GOLGA4: variants seen among roughly 807,000 people sequenced by gnomAD.
The protein encoded by GOLGA4 is golgin subfamily A member 4.
GOLGA4 carries 169 observed loss-of-function variants against 265.9 expected under a neutral mutation model. The observed-to-expected ratio is 0.64, with a 90% CI of 0.56 to 0.72. The LOEUF is 0.72. Among genes scored for constraint, GOLGA4 ranks in the 30% least tolerant of loss-of-function variants. The probability of loss-of-function intolerance (pLI) is 0.00; values close to 1 mark genes in which losing one functional copy is unlikely to be tolerated. For missense variants in GOLGA4, 2,482 were observed against 2,483.4 expected (o/e 1.00, Z 0.01); for synonymous variants, 923 against 855.8 (o/e 1.08, Z -1.37).
At chr3:37,247,924 A>G (rs935429975) in intron 1 of GOLGA4, among the ~76,000 whole-genome samples, 16 of 152,210 alleles carry the variant, frequency 1.1e-4, no homozygotes, top group Non-Finnish European at 1.5e-5. Flanking sequence ...CTCTAGACCC[A>G]TATTTGAAGG....
intron 22 of GOLGA4, among the ~76,000 whole-genome samples, chr3:37,358,196 T>A (rs1181192071): frequency 1.3e-5 from 2 of 152,222 alleles, no homozygotes; most frequent in Non-Finnish European, 2.9e-5. Flanking sequence ...ATCAGAGGAA[T>A]ACATTCTAAA....
intron 20 of GOLGA4, chr3:37,341,534 A>C (rs567455096): frequency 6.6e-6 from 1 of 152,238 alleles, no homozygotes; most frequent in Non-Finnish European, 1.5e-5. Context: ...CCTCAAAAAG[A>C]AGTAAAAACC....
intron 22 of GOLGA4, among the ~76,000 whole-genome samples, chr3:37,357,935 G>T (rs1374097354): frequency 2.6e-5 from 4 of 151,988 alleles, no homozygotes; most frequent in African/African-American, 9.7e-5. Context: ...GCTTCAAATG[G>T]ATCTTTTCTG....
chr3:37,352,621 A>G (rs1413715871), intron 21 of GOLGA4, among the ~76,000 whole-genome samples: 2 of 151,984 alleles, frequency 1.3e-5, no homozygotes, highest in Admixed American at 6.6e-5. Flanking sequence ...CTTTTCTTCT[A>G]CGGCTTTGTC....
rs377439751 is a variant in GOLGA4, at chr3:37,327,195, G to A, written c.5309G>A (p.Arg1770Gln). Residue 1770 changes from arginine to glutamine, a missense_variant, in exon 14 of 24, where the codon CGA (arginine) becomes CAA (glutamine). Transcript: ENST00000361924. ...EETVSSHFEM[R>Q]CQYQERLIKL... Reference sequence around the variant, plus strand: ...ACAGTTTCTTCTCATTTTGAAATGCGATGCCAATACCAGGAGCGCTTAATA... The same window carrying A: ...ACAGTTTCTTCTCATTTTGAAATGCAATGCCAATACCAGGAGCGCTTAATA... 2 of 1,613,854 alleles carry A rather than the reference G, an allele frequency of 1.2e-6. No individual in the cohort carries two copies. The highest frequency in any genetic ancestry group is 1.1e-5 in the South Asian group (1 of 91,074).
chr3:37,357,730 C>T lies in GOLGA4; in HGVS notation c.6663+2543C>T, dbSNP rs79877220. Among the ~76,000 whole-genome samples the T allele has an allele frequency of 8.5e-3, 1,300 of 152,246 alleles. 24 individuals are homozygous for T. Among genetic ancestry groups the T allele is most frequent in the African/African-American group, 0.03 (1,238 of 41,544 alleles). On this transcript the variant is annotated intron_variant, in intron 22 of 23. Transcript: ENST00000361924. ...TAAGAATCACTGTCTTTGAACAAGTCTCTTGAAGAAATTTCAGCTAATTTC... is the reference window on the plus strand; with the variant it reads ...TAAGAATCACTGTCTTTGAACAAGTTTCTTGAAGAAATTTCAGCTAATTTC...
At chr3:37,340,991 C>T (rs976030365) in intron 20 of GOLGA4, among the ~76,000 whole-genome samples, 1 of 152,120 alleles carries the variant, frequency 6.6e-6, no homozygotes, top group Admixed American at 6.5e-5. Context: ...CATGGTGAAA[C>T]CCCATCTCTA....
At position 37,329,949 on chromosome 3, in the gene GOLGA4, C is replaced by T. The variant is rs145275135; in HGVS notation, c.6192+856C>T. ...TGACTATGTCAGCAGAAGTCTGAGT[C>T]GGGAACAGATTCTAATAATTATTTT... On this transcript the variant is annotated intron_variant, in intron 16 of 23. Transcript: ENST00000361924. 7.0e-4 allele frequency among the ~76,000 whole-genome samples: 105 copies of T among 150,980 alleles called. 2 individuals carry two copies. The East Asian group carries it at 0.017, about 25-fold the overall frequency.
At position 37,321,883 on chromosome 3, in the gene GOLGA4, A is replaced by T; in HGVS notation, c.1698A>T (p.Arg566Ser). 1 of 1,590,696 alleles carries T rather than the reference A, an allele frequency of 6.3e-7. No individual in the cohort carries two copies. The highest frequency in any genetic ancestry group is 8.5e-7 in the Non-Finnish European group (1 of 1,172,066). ...RDLQQEAETY[R>S]TRILELESSL... ...TTCAGCAAGAAGCAGAGACTTACAG[A>T]ACTGTAAGTTTTAATAATATTCAGA... The change falls in exon 13 of 24, where the codon AGA (arginine) becomes AGT (serine). Residue 566 changes from arginine to serine, a missense_variant. Physicochemically the swap from Arg to Ser is moderately radical, Grantham distance 110. Around this residue, in one of 3 missense-constraint regions of GOLGA4, gnomAD observed 1,536 missense variants for 1,483.7 expected, o/e 1.04. Transcript: ENST00000361924.
chr3:37,267,916 A>G (rs2096787880), intron 2 of GOLGA4, among the ~76,000 whole-genome samples: 1 of 152,172 alleles, frequency 6.6e-6, no homozygotes, highest in Admixed American at 6.5e-5. Context: ...TTAGAAAAGA[A>G]AGCAGCTAGG....
intron 4 of GOLGA4, among the ~76,000 whole-genome samples, chr3:37,288,339 G>A (rs1179964819): frequency 2.6e-5 from 4 of 151,656 alleles, no homozygotes; most frequent in African/African-American, 7.3e-5. Context: ...TCAAACTCCT[G>A]ACCTGGTGAT....
Position 37,327,169 on chromosome 3 carries a change from GAC to G in GOLGA4, c.5285_5286del (p.Thr1762SerfsTer6). On this transcript the variant is annotated frameshift_variant, in exon 14 of 24. Transcript: ENST00000361924. LOFTEE classifies it high-confidence loss of function. The part of the protein sequence containing the change: ...LQRVGQEKEE[T>X]VSSHFEMRCQ... Reference sequence around the variant, plus strand: ...AGAGGGTAGGGCAGGAAAAAGAAGAGACAGTTTCTTCTCATTTTGAAATGCGA... The same window carrying G: ...AGAGGGTAGGGCAGGAAAAAGAAGAGAGTTTCTTCTCATTTTGAAATGCGA... 1 of 1,613,822 alleles carries G rather than the reference GAC, an allele frequency of 6.2e-7. No individual in the cohort carries two copies. The highest frequency in any genetic ancestry group is 8.5e-7 in the Non-Finnish European group (1 of 1,179,832).
intron 2 of GOLGA4, among the ~76,000 whole-genome samples, chr3:37,278,347 C>G (rs561568475): frequency 6.6e-6 from 1 of 151,948 alleles, no homozygotes; most frequent in Non-Finnish European, 1.5e-5. Context: ...TTGCAGGCAC[C>G]TGACACCACG....
At chr3:37,262,928 G>T (rs1412202224) in intron 2 of GOLGA4, among the ~76,000 whole-genome samples, 1 of 152,170 alleles carries the variant, frequency 6.6e-6, no homozygotes. Context: ...CTGGTGACAT[G>T]TAGTTGTTGT....
Position 37,327,255 on chromosome 3 carries a change from A to G in GOLGA4, c.5369A>G (p.Asp1790Gly). The G allele has an allele frequency of 1.2e-6, 2 of 1,613,904 alleles. No individual in the cohort carries two copies. Among genetic ancestry groups the G allele is most frequent in the Non-Finnish European group, 1.7e-6 (2 of 1,179,816 alleles). Residue 1790 changes from aspartate to glycine, a missense_variant, in exon 14 of 24, where the codon GAT (aspartate) becomes GGT (glycine). Transcript: ENST00000361924. ...CATGCTGAGGCAAAGCAACATGAAG[A>G]TCAAAGTATGATAGGTCATCTTCAA... ...LEHAEAKQHE[D>G]QSMIGHLQEE...
chr3:37,361,184 T>C, intron 22 of GOLGA4, 59 bp from the exon 23 acceptor site: 2 of 1,201,074 alleles, frequency 1.7e-6, no homozygotes, highest in Non-Finnish European at 2.5e-6. Context: ...ATACAATCTA[T>C]GTGTTATATT....
chr3:37,319,124 A>G lies in GOLGA4; in HGVS notation c.1475A>G (p.Lys492Arg). The G allele has an allele frequency of 6.2e-7, 1 of 1,612,198 alleles. No homozygotes were observed. Among genetic ancestry groups the G allele is most frequent in the Non-Finnish European group, 8.5e-7 (1 of 1,178,738 alleles). ...CTTCATGAAAAGGAGCTGGCCAGAA[A>G]AGAGCAGGAACTGACCAAGAAGCTT... ...QKLHEKELARKEQELTKKLQT... is the reference protein window; with the variant it reads ...QKLHEKELARREQELTKKLQT... The change falls in exon 12 of 24, where the codon AAA becomes AGA. Residue 492 changes from lysine to arginine, a missense_variant. Lys to Arg is a conservative substitution (Grantham distance 26). Coordinates refer to ENST00000361924, the MANE Select transcript of GOLGA4 (RefSeq NM_002078.5).
At position 37,325,361 on chromosome 3, in the gene GOLGA4, G is replaced by T; in HGVS notation, c.3475G>T (p.Glu1159Ter). 1 of 1,613,502 alleles carries T rather than the reference G, an allele frequency of 6.2e-7. No homozygotes were observed. The highest frequency in any genetic ancestry group is 1.1e-5 in the South Asian group (1 of 90,924). Reference sequence around the variant, plus strand: ...TACTTTTCTTCAAGAGCAGCTAGTTGAACTGAAGATGCTGGCAGAAGAAGA... The same window carrying T: ...TACTTTTCTTCAAGAGCAGCTAGTTTAACTGAAGATGCTGGCAGAAGAAGA... ...ENTFLQEQLV[E>*]LKMLAEEDKR... The change falls in exon 14 of 24, where the codon GAA becomes TAA. Residue 1159 changes from glutamate (E) to a stop codon, truncating the protein, a stop_gained. Transcript: ENST00000361924. LOFTEE classifies it high-confidence loss of function.
Position 37,251,641 on chromosome 3 carries a change from T to C in GOLGA4, c.162+157T>C, listed in dbSNP as rs1006551378. Among the ~76,000 whole-genome samples, 40 of 144,996 alleles carry C rather than the reference T, an allele frequency of 2.8e-4. 1 individual carries two copies. Among genetic ancestry groups the C allele is most frequent in the Admixed American group, 1.2e-3 (17 of 14,422 alleles). ...ACAATTGGTCTTTTTTTTTTTTTTT[T>C]CACAAATAGCAGTTATGATTTATGT... On this transcript the variant is annotated intron_variant, in intron 2 of 23. Coordinates refer to ENST00000361924, the MANE Select transcript of GOLGA4 (RefSeq NM_002078.5).
Sources: allele counts gnomAD v4.1 joint callset (sites outside exome capture counted in the v4.1 genomes callset), GRCh38; gene constraint gnomAD v4.1.1; regional missense constraint gnomAD v4.1.1; transcripts MANE v1.5; gene names NCBI Gene and HGNC (gene_info 2026-07-23, HGNC 2026-07-21).